Variants in PVT1 observed in about 807,000 individuals in gnomAD.
The protein encoded by PVT1 is Pvt1 oncogene, also known as CXCR4/PVT1 fusion.
chr8:128,058,936 T>C (rs1813797312), intron 4 of PVT1, among the ~76,000 whole-genome samples: 1 of 152,184 alleles, frequency 6.6e-6, no homozygotes, highest in Non-Finnish European at 1.5e-5. Context: ...ATCCCTTCTT[T>C]AGAGGGTCTC....
At chr8:127,868,934 A>T (rs985079754) in intron 2 of PVT1, among the ~76,000 whole-genome samples, 13 of 151,272 alleles carry the variant, frequency 8.6e-5, no homozygotes, top group African/African-American at 3.2e-4. Flanking sequence ...TTTGGTATTC[A>T]GGAGTTGCTT....
intron 3 of PVT1, chr8:127,932,382 A>T (rs998540156): frequency 7.5e-6 from 3 of 398,460 alleles, no homozygotes; most frequent in Non-Finnish European, 1.3e-5. Context: ...GAAGTCTGAG[A>T]TGGATTACCC....
At chr8:128,032,216 G>A (rs994580041) in intron 4 of PVT1, among the ~76,000 whole-genome samples, 5 of 152,184 alleles carry the variant, frequency 3.3e-5, no homozygotes, top group East Asian at 1.9e-4. Context: ...GGAGGACATG[G>A]GTGTAGAAAC....
At chr8:127,918,918 C>G (rs1027937687) in intron 3 of PVT1, among the ~76,000 whole-genome samples, 14 of 152,306 alleles carry the variant, frequency 9.2e-5, no homozygotes, top group African/African-American at 3.1e-4. Context: ...CACTCACTAC[C>G]ACTGAAAGAT....
chr8:127,896,368 C>G (rs1815676772), intron 3 of PVT1, among the ~76,000 whole-genome samples: 1 of 152,146 alleles, frequency 6.6e-6, no homozygotes, highest in Non-Finnish European at 1.5e-5. Context: ...TCAATGCTAA[C>G]TTGAGTGGGC....
intron 3 of PVT1, among the ~76,000 whole-genome samples, chr8:127,940,802 A>G (rs1317150495): frequency 6.6e-6 from 1 of 152,080 alleles, no homozygotes; most frequent in Non-Finnish European, 1.5e-5. Flanking sequence ...AGGTCTCACT[A>G]TCTTGCCCAG....
At chr8:127,815,383 G>C (rs181873893) in intron 2 of PVT1, among the ~76,000 whole-genome samples, 188 of 152,292 alleles carry the variant, frequency 1.2e-3, no homozygotes, top group African/African-American at 4.3e-3. Context: ...TTTGTTGCCT[G>C]TGCTTTTGGT....
At chr8:127,949,813 G>C (rs368612959) in intron 3 of PVT1, among the ~76,000 whole-genome samples, 28 of 152,318 alleles carry the variant, frequency 1.8e-4, no homozygotes, top group African/African-American at 6.7e-4. Context: ...GCCCAGTGCC[G>C]GCTGTGGAGT....
chr8:127,925,504 A>G (rs972824810), intron 3 of PVT1, among the ~76,000 whole-genome samples: 4 of 152,246 alleles, frequency 2.6e-5, no homozygotes, highest in African/African-American at 9.6e-5. Flanking sequence ...CACGCCATTC[A>G]GCTTTTATTC....
chr8:127,964,340 T>C (rs1416368922), intron 3 of PVT1, among the ~76,000 whole-genome samples: 1 of 152,152 alleles, frequency 6.6e-6, no homozygotes, highest in Non-Finnish European at 1.5e-5. Context: ...GGTGGCCCAT[T>C]CTCAGCTTGG....
At chr8:127,978,049 C>G (rs1247174890) in intron 3 of PVT1, among the ~76,000 whole-genome samples, 1 of 151,988 alleles carries the variant, frequency 6.6e-6, no homozygotes, top group African/African-American at 2.4e-5. Flanking sequence ...TGTCTTGTTG[C>G]TCTTCTCTTC....
At chr8:127,913,101 C>T (rs1452151063) in intron 3 of PVT1, among the ~76,000 whole-genome samples, 9 of 152,074 alleles carry the variant, frequency 5.9e-5, no homozygotes, top group East Asian at 1.9e-4. Flanking sequence ...CCGCTTGCCT[C>T]GGCCTCCCAA....
chr8:127,961,819 A>G (rs1816646324), intron 3 of PVT1, among the ~76,000 whole-genome samples: 1 of 152,250 alleles, frequency 6.6e-6, no homozygotes, highest in Admixed American at 6.5e-5. Flanking sequence ...GATGGCCTTC[A>G]GGAGCTCCAG....
intron 2 of PVT1, among the ~76,000 whole-genome samples, chr8:127,798,366 C>T (rs1267278303): frequency 6.6e-6 from 1 of 151,744 alleles, no homozygotes; most frequent in Non-Finnish European, 1.5e-5. Flanking sequence ...CACAGTGTGT[C>T]CCCCACCCTC....
Position 128,023,266 on chromosome 8 carries a change from G to A in PVT1, n.912+33975G>A, listed in dbSNP as rs1275073009. On this transcript the variant is annotated intron_variant and non_coding_transcript_variant, in intron 4 of 10. Transcript: ENST00000651587. The stretch of plus-strand genomic sequence containing the variant: ...GGGCTAGTCACTGGTTCCGGGAGAA[G>A]AAAGAATGACACATAGAACATAACT... Among the ~76,000 whole-genome samples, 3 of 152,144 alleles carry A rather than the reference G, an allele frequency of 2.0e-5. No homozygotes were observed. The East Asian group carries it at 5.8e-4, about 29-fold the overall frequency.
intron 2 of PVT1, among the ~76,000 whole-genome samples, chr8:127,848,503 G>A (rs578092980): frequency 6.6e-6 from 1 of 152,028 alleles, no homozygotes; most frequent in African/African-American, 2.4e-5. Flanking sequence ...GACCAACATG[G>A]AGAAACCCCA....
chr8:127,802,415 T>G (rs954503173), intron 2 of PVT1, among the ~76,000 whole-genome samples: 1 of 152,154 alleles, frequency 6.6e-6, no homozygotes, highest in Non-Finnish European at 1.5e-5. Flanking sequence ...GGGGTCTCCC[T>G]GTGTTGCCCA....
At chr8:127,959,156 A>C (rs1281527811) in intron 3 of PVT1, among the ~76,000 whole-genome samples, 2 of 152,256 alleles carry the variant, frequency 1.3e-5, no homozygotes, top group East Asian at 3.9e-4. Flanking sequence ...ACGTGAGTGC[A>C]TTTTACCAAG....
At chr8:127,889,233 G>T (rs1193175824) in intron 2 of PVT1, among the ~76,000 whole-genome samples, 1 of 151,328 alleles carries the variant, frequency 6.6e-6, no homozygotes, top group African/African-American at 2.4e-5. Context: ...TGGTTTAAGC[G>T]ATTCTCATTC....
Sources: allele counts gnomAD v4.1 joint callset (sites outside exome capture counted in the v4.1 genomes callset), GRCh38; gene constraint gnomAD v4.1.1; transcripts MANE v1.5; gene names NCBI Gene and HGNC (gene_info 2026-07-23, HGNC 2026-07-21).